KIF25: variants seen among roughly 807,000 people sequenced by gnomAD.
The protein encoded by KIF25 is kinesin-like protein KIF25.
Under a neutral mutation model 32.9 loss-of-function variants are expected in KIF25, and 19 were observed. The ratio of observed to expected loss-of-function variants is 0.58; its 90% CI spans 0.40 to 0.85. KIF25 has a LOEUF of 0.85. KIF25 is among the 40% of genes least tolerant of loss of function. The pLI is 0.00. For missense variants in KIF25, 485 were observed against 507.0 expected (o/e 0.96, Z 0.42); for synonymous variants, 225 against 213.7 (o/e 1.05, Z -0.46).
intron 6 of KIF25, among the ~76,000 whole-genome samples, chr6:168,030,057 A>G (rs944828220): frequency 6.6e-6 from 1 of 152,244 alleles, no homozygotes; most frequent in Non-Finnish European, 1.5e-5. Flanking sequence ...ACCAACCACC[A>G]GTGCTGGGCA....
At chr6:168,021,812 T>C (rs909933402) in intron 5 of KIF25, among the ~76,000 whole-genome samples, 1 of 152,236 alleles carries the variant, frequency 6.6e-6, no homozygotes, top group African/African-American at 2.4e-5. Flanking sequence ...TAAGCCATTC[T>C]GGAAATTACA....
In KIF25 at chr6:168,029,014, C is replaced by T. The variant is rs77332965; in HGVS notation, c.-94-478C>T. Reference sequence around the variant, plus strand: ...ATTTTGGATTTCTCAGATGTATGGCCATATTAGCTCCAAGTAGAGATTGTT... The same window carrying T: ...ATTTTGGATTTCTCAGATGTATGGCTATATTAGCTCCAAGTAGAGATTGTT... On this transcript the variant is annotated intron_variant, in intron 5 of 12. Transcript: ENST00000643607. Among the ~76,000 whole-genome samples the T allele has an allele frequency of 8.5e-3, 1,300 of 152,252 alleles. 30 individuals carry two copies. The highest frequency in any genetic ancestry group is 0.029 in the African/African-American group (1,225 of 41,538).
intron 4 of KIF25, among the ~76,000 whole-genome samples, chr6:168,014,651 G>A (rs959364927): frequency 6.6e-6 from 1 of 152,122 alleles, no homozygotes. Context: ...CGTGTAACAC[G>A]GCACTTCATT....
intron 4 of KIF25, among the ~76,000 whole-genome samples, chr6:168,009,185 G>A (rs1300288632): frequency 6.6e-6 from 1 of 151,988 alleles, no homozygotes; most frequent in Non-Finnish European, 1.5e-5. Flanking sequence ...AAGATGTTAG[G>A]ATGTTAGCTG....
rs541814496 is a variant in KIF25, at chr6:168,011,617, A to G, written c.-162-6356A>G. Among the ~76,000 whole-genome samples, 3 of 152,186 alleles carry G rather than the reference A, an allele frequency of 2.0e-5. No individual in the cohort carries two copies. The East Asian group carries it at 5.8e-4, about 29-fold the overall frequency. On this transcript the variant is annotated intron_variant, in intron 4 of 12. Coordinates refer to ENST00000643607, the MANE Select transcript of KIF25 (RefSeq NM_030615.4). ...TTAATGCTTTTCTCTTGCTGCTTTT[A>G]AAATTATTTGTCTTTGACTTTTGAC...
chr6:168,005,798 C>T (rs1421124751), intron 4 of KIF25, among the ~76,000 whole-genome samples: 1 of 152,208 alleles, frequency 6.6e-6, no homozygotes, highest in Non-Finnish European at 1.5e-5. Context: ...TAGACGGTGC[C>T]CACCCAGATT....
At chr6:168,040,711 A>T (rs1333350957) in intron 10 of KIF25, among the ~76,000 whole-genome samples, 2 of 152,198 alleles carry the variant, frequency 1.3e-5, no homozygotes, top group Admixed American at 1.3e-4. Context: ...CCAGGCTGAG[A>T]AGAAAAAGTG....
chr6:168,000,939 G>A (rs1271873208), intron 2 of KIF25, among the ~76,000 whole-genome samples: 1 of 152,238 alleles, frequency 6.6e-6, no homozygotes. Context: ...GACTTGAGAA[G>A]GTCTTTAGAA....
At chr6:168,042,961 A>G (rs1236621780) in intron 12 of KIF25, among the ~76,000 whole-genome samples, 3 of 152,030 alleles carry the variant, frequency 2.0e-5, no homozygotes, top group Admixed American at 2.0e-4. Flanking sequence ...TCAGTTTCTC[A>G]AGGGTGGCAG....
chr6:168,012,134 T>C (rs1052865914), intron 4 of KIF25, among the ~76,000 whole-genome samples: 1 of 152,248 alleles, frequency 6.6e-6, no homozygotes, highest in African/African-American at 2.4e-5. Flanking sequence ...TGTATCTCAC[T>C]GAGTTTCCTT....
intron 4 of KIF25, among the ~76,000 whole-genome samples, chr6:168,013,119 G>A (rs1045306640): frequency 2.6e-5 from 4 of 151,964 alleles, no homozygotes; most frequent in African/African-American, 9.7e-5. Context: ...AGGGTGTTGG[G>A]GTACTGTGGG....
rs374888049 is a variant in KIF25 at position 167,997,734 on chromosome 6, C to T, written c.-1735C>T. 1.8e-4 allele frequency among the ~76,000 whole-genome samples: 27 copies of T among 152,096 alleles called. 1 individual carries two copies. In the East Asian group the frequency reaches 2.7e-3, roughly 15 times the overall value. On this transcript the variant is annotated 5_prime_UTR_variant, in exon 1 of 13. The change creates a premature stop within an existing upstream ORF in the 5' untranslated region. Coordinates refer to ENST00000643607, the MANE Select transcript of KIF25 (RefSeq NM_030615.4). ...TCCCATGAAATTTAATGTAAAGTCTCAGGGTTTGATTTTGCAACACGAGGA... is the reference window on the plus strand; with the variant it reads ...TCCCATGAAATTTAATGTAAAGTCTTAGGGTTTGATTTTGCAACACGAGGA...
At chr6:168,019,681 C>A (rs1798762175) in intron 5 of KIF25, among the ~76,000 whole-genome samples, 1 of 152,138 alleles carries the variant, frequency 6.6e-6, no homozygotes, top group Admixed American at 6.5e-5. Flanking sequence ...GTGAAAATGT[C>A]AATTTTGTTA....
chr6:168,001,776 C>T lies in KIF25; in HGVS notation c.-369-767C>T, dbSNP rs1281529582. On this transcript the variant is annotated intron_variant, in intron 2 of 12. Transcript: ENST00000643607. ...AGCCTCGGGCAGGTGAGAAAGACAC[C>T]TGAGGCGTGGCCTTGGGCAGGTGAG... is the stretch of plus-strand genomic sequence containing the variant. 7.8e-5 allele frequency among the ~76,000 whole-genome samples: 7 copies of T among 89,488 alleles called. 1 individual carries two copies. In the East Asian group the frequency reaches 1.4e-3, roughly 18 times the overall value. 58.7% of individuals were successfully genotyped at this position (89,488 alleles called of 152,430 possible).
At chr6:168,030,452 C>T (rs1298189281) in intron 6 of KIF25, 2 of 144,664 alleles carry the variant, frequency 1.4e-5, no homozygotes, top group Admixed American at 1.4e-4. Context: ...CTCCCCTCCC[C>T]TCTCATCTTC....
At chr6:167,999,649 T>C (rs2114860193) in intron 2 of KIF25, among the ~76,000 whole-genome samples, 1 of 152,270 alleles carries the variant, frequency 6.6e-6, no homozygotes, top group East Asian at 1.9e-4. Flanking sequence ...AATGGACTTT[T>C]CCCTTTATGT....
At chr6:168,029,466 C>A in intron 5 of KIF25, 26 bp from the exon 6 acceptor site, 1 of 1,470,344 alleles carries the variant, frequency 6.8e-7, no homozygotes, top group Non-Finnish European at 9.1e-7. Flanking sequence ...AATACTGTTA[C>A]GTTTTCAAGT....
chr6:168,038,636 T>C lies in KIF25; in HGVS notation c.401T>C (p.Leu134Pro). 6.2e-7 allele frequency: 1 copy of C among 1,614,192 alleles called. No individual in the cohort carries two copies. The highest frequency in any genetic ancestry group is 8.5e-7 in the Non-Finnish European group (1 of 1,180,036). Reference sequence around the variant, plus strand: ...TACAATAATGACATTTTTGACCTTCTGGCCAAAGACAGCATTGCAGCAGTG... The same window carrying C: ...TACAATAATGACATTTTTGACCTTCCGGCCAAAGACAGCATTGCAGCAGTG... ...EVYNNDIFDL[L>P]AKDSIAAVSG... The change falls in exon 9 of 13, where the codon CTG becomes CCG. Residue 134 changes from leucine (L) to proline (P), a missense_variant. Leu to Pro is a moderately conservative substitution (Grantham distance 98). Coordinates refer to ENST00000643607, the MANE Select transcript of KIF25 (RefSeq NM_030615.4).
chr6:168,040,117 C>T lies in KIF25; in HGVS notation c.547C>T (p.Leu183Phe). Residue 183 changes from leucine to phenylalanine, a missense_variant, in exon 10 of 13, where the codon CTC becomes TTC. Coordinates refer to ENST00000643607, the MANE Select transcript of KIF25 (RefSeq NM_030615.4). ...GGAGCTCGTTCATGGAGGTCTGCAG[C>T]TCAGGGCGAAGCACCCCACCCTGGT... Reference protein sequence around the residue: ...LMELVHGGLQLRAKHPTLVHA... With the variant: ...LMELVHGGLQFRAKHPTLVHA... 6.2e-7 allele frequency: 1 copy of T among 1,614,110 alleles called. No individual in the cohort carries two copies. Among genetic ancestry groups the T allele is most frequent in the Non-Finnish European group, 8.5e-7 (1 of 1,180,012 alleles).
Sources: gnomAD v4.1 joint callset for allele counts (sites outside exome capture counted in the v4.1 genomes callset) on GRCh38, gnomAD v4.1.1 for gene constraint, MANE v1.5 for transcripts, NCBI Gene and HGNC (gene_info 2026-07-23, HGNC 2026-07-21) for gene names.